The following FAM3A variants were observed in gnomAD, a reference collection of about 807,000 sequenced individuals.
The protein encoded by FAM3A is FAM3 metabolism regulating signaling molecule A, also known as protein FAM3A.
Under a neutral mutation model 18.1 loss-of-function variants are expected in FAM3A, and 5 were observed. The ratio of observed to expected loss-of-function variants is 0.28; its 90% CI spans 0.14 to 0.58. The LOEUF (loss-of-function observed/expected upper bound fraction) is 0.58. Among genes scored for constraint, FAM3A ranks in the 20% least tolerant of loss-of-function variants. The probability of loss-of-function intolerance (pLI) is 0.91; values close to 1 mark genes in which losing one functional copy is unlikely to be tolerated. For missense variants in FAM3A, 154 were observed against 216.6 expected (o/e 0.71, Z 1.81); for synonymous variants, 108 against 90.2 (o/e 1.20, Z -1.12).
At chrX:154,506,956 G>T (rs969019603) in intron 8 of FAM3A, 50 bp from the exon 9 acceptor site, 3 of 1,050,299 alleles carry the variant, frequency 2.9e-6, no homozygotes, top group Non-Finnish European at 4.0e-6. Flanking sequence ...AGGGACAGGG[G>T]ACAGGAGTGG....
chrX:154,507,416 G>C lies in FAM3A; in HGVS notation c.460C>G (p.Pro154Ala), dbSNP rs1271255512. 10 of 1,211,472 alleles carry C rather than the reference G, an allele frequency of 8.3e-6. No homozygotes were observed. Among genetic ancestry groups the C allele is most frequent in the Non-Finnish European group, 1.0e-5 (9 of 895,390 alleles). The change falls in exon 7 of 9, where the codon CCA becomes GCA. Residue 154 changes from proline (P) to alanine (A), a missense_variant. By Grantham distance (27) the Pro-to-Ala change is conservative. Transcript: ENST00000447601. The stretch of plus-strand genomic sequence containing the variant: ...TCCCCAAGCACCTACTTGGTGGCTG[G>C]GTCGTCGTAGGATGCCACGAACACC... ...TLVFVASYDD[P>A]ATKMNEETRK... is the part of the protein sequence containing the mutation.
intron 3 of FAM3A, 25 bp from the exon 4 acceptor site, chrX:154,508,622 C>T (rs1557220864): frequency 1.7e-6 from 2 of 1,176,351 alleles, no homozygotes; most frequent in Admixed American, 5.0e-5. Context: ...CAGGTGTTAT[C>T]CATGGGCCTG....
intron 2 of FAM3A, chrX:154,512,378 G>A: frequency 8.0e-6 from 2 of 249,744 alleles, no homozygotes; most frequent in Non-Finnish European, 7.3e-6. Context: ...GGTAGAGGTT[G>A]CAGTGAACCG....
intron 1 of FAM3A, among the ~76,000 whole-genome samples, chrX:154,513,752 G>C (rs2070024951): frequency 9.0e-6 from 1 of 110,959 alleles, no homozygotes. Flanking sequence ...ACTCTCTCTA[G>C]TTCGCTCTTT....
At chrX:154,513,428 G>A (rs781939391) in intron 1 of FAM3A, among the ~76,000 whole-genome samples, 1 of 110,965 alleles carries the variant, frequency 9.0e-6, no homozygotes, top group East Asian at 2.8e-4. Flanking sequence ...TCAGGTGTTC[G>A]AGACCAGCCT....
intron 7 of FAM3A, 36 bp from the exon 8 acceptor site, chrX:154,507,365 G>A (rs782607214): frequency 8.3e-7 from 1 of 1,211,860 alleles, no homozygotes; most frequent in Admixed American, 2.2e-5. Flanking sequence ...AGCTGTTGCT[G>A]CAGAAGGGCA....
rs1357927645 is a variant in FAM3A at position 154,512,911 on chromosome X, G to A, written c.39C>T (p.Val13=). 1.7e-6 allele frequency: 2 copies of A among 1,208,320 alleles called. No individual in the cohort carries two copies. Among genetic ancestry groups the A allele is most frequent in the African/African-American group, 1.7e-5 (1 of 57,225 alleles). The part of the protein sequence containing the change: ...LAGPLRIVVL[V]VSVGVTWIVV... ...CGATCCATGTGACACCCACACTGACGACTAGGACCACAATGCGGAGAGGGC... is the reference window on the plus strand; with the variant it reads ...CGATCCATGTGACACCCACACTGACAACTAGGACCACAATGCGGAGAGGGC... Residue 13 remains valine (V), a synonymous_variant, in exon 2 of 9, where the codon GTC becomes GTT. Coordinates refer to ENST00000447601, the MANE Select transcript of FAM3A (RefSeq NM_021806.4).
rs781969873 is a variant in FAM3A at position 154,511,884 on chromosome X, A to G, written c.128-13T>C. 2.5e-6 allele frequency: 3 copies of G among 1,208,571 alleles called. No individual in the cohort carries two copies. Among genetic ancestry groups the G allele is most frequent in the Non-Finnish European group, 3.4e-6 (3 of 893,495 alleles). On this transcript the variant is annotated splice_polypyrimidine_tract_variant and intron_variant, in intron 2 of 8. Transcript: ENST00000447601. ...GAGCTCTCTGGACCTGTGGATACAGAGTGGTTTCTGTTAGTGTGGAGCCTC... is the reference window on the plus strand; with the variant it reads ...GAGCTCTCTGGACCTGTGGATACAGGGTGGTTTCTGTTAGTGTGGAGCCTC...
intron 3 of FAM3A, 35 bp from the exon 4 acceptor site, chrX:154,508,632 G>T: frequency 8.5e-7 from 1 of 1,171,770 alleles, no homozygotes; most frequent in Admixed American, 2.5e-5. Flanking sequence ...CCATGGGCCT[G>T]GCCCTGAGGT....
At position 154,506,806 on chromosome X, in the gene FAM3A, C is replaced by T. The variant is rs1557218566; in HGVS notation, c.*5G>A. The T allele has an allele frequency of 8.3e-7, 1 of 1,207,510 alleles. No individual in the cohort carries two copies. The highest frequency in any genetic ancestry group is 1.1e-6 in the Non-Finnish European group (1 of 891,772). On this transcript the variant is annotated 3_prime_UTR_variant, in exon 9 of 9. Coordinates refer to ENST00000447601, the MANE Select transcript of FAM3A (RefSeq NM_021806.4). ...TCCCTCGGCCCGGTCCTGGCACTGG[C>T]CGTGCTAGCTGGCCGTGCTTCTCCG...
intron 3 of FAM3A, chrX:154,508,971 G>A (rs1351476921): frequency 2.2e-5 from 6 of 272,375 alleles, no homozygotes; most frequent in Non-Finnish European, 3.5e-5. Flanking sequence ...AGGGGGTGCA[G>A]CCTGTCTCCC....
At chrX:154,507,693 T>C in intron 6 of FAM3A, 118 bp downstream of exon 6, 1 of 900,437 alleles carries the variant, frequency 1.1e-6, no homozygotes, top group Non-Finnish European at 1.6e-6. Context: ...CTGTCCTTTC[T>C]GAACCCACGG....
intron 6 of FAM3A, 117 bp from the exon 7 acceptor site, chrX:154,507,607 C>A: frequency 1.1e-6 from 1 of 882,641 alleles, no homozygotes; most frequent in South Asian, 2.2e-5. Context: ...CATGCCCCGC[C>A]AAGGGACAGG....
At position 154,506,874 on chromosome X, in the gene FAM3A, G is replaced by A. The variant is rs147167340; in HGVS notation, c.630C>T (p.Tyr210=). The A allele has an allele frequency of 2.1e-4, 260 of 1,210,513 alleles. No homozygotes were observed. The highest frequency in any genetic ancestry group is 3.8e-4 in the African/African-American group (22 of 57,659). The change falls in exon 9 of 9, where the codon TAC becomes TAT. Residue 210 remains tyrosine, a synonymous_variant. Coordinates refer to ENST00000447601, the MANE Select transcript of FAM3A (RefSeq NM_021806.4). ...TCTCCAGCGCCTCGGGCCAGCCTTC[G>A]TACTTGTTGCTGTGCTTACTGTTCT... ...HVKNSKHSNK[Y]EGWPEALEME...
Position 154,506,704 on chromosome X carries a change from G to A in FAM3A, c.*107C>T, listed in dbSNP as rs376537810. 9.5e-5 allele frequency: 57 copies of A among 599,556 alleles called. 1 individual carries two copies. The highest frequency in any genetic ancestry group is 9.2e-4 in the East Asian group (26 of 28,228). 49.4% of individuals were successfully genotyped at this position (599,556 alleles called of 1,213,427 possible). A position where few individuals can be genotyped will look rare whatever the true frequency, so the allele number is the denominator to read the frequency against. On this transcript the variant is annotated 3_prime_UTR_variant, in exon 9 of 9. Transcript: ENST00000447601. The stretch of plus-strand genomic sequence containing the variant: ...AGCCCCGATGTGTTGGGGCCAGGGA[G>A]CGCTCCTGCCCGGGTGTGGGGTGTG...
chrX:154,509,198 GAC>G (rs782539693), intron 3 of FAM3A: 3 of 163,333 alleles, frequency 1.8e-5, no homozygotes, highest in African/African-American at 9.0e-5. Context: ...AAGTGACAAA[GAC>G]ACACAGAGGG....
In FAM3A at chrX:154,512,905, A is replaced by G. The variant is rs782332239; in HGVS notation, c.45T>C (p.Ser15=). The part of the protein sequence containing the change: ...GPLRIVVLVV[S]VGVTWIVVSI... The stretch of plus-strand genomic sequence containing the variant: ...TGACCACGATCCATGTGACACCCAC[A>G]CTGACGACTAGGACCACAATGCGGA... The change falls in exon 2 of 9, where the codon AGT becomes AGC. Residue 15 remains serine, a synonymous_variant. Transcript: ENST00000447601. 6 of 1,210,899 alleles carry G rather than the reference A, an allele frequency of 5.0e-6. No individual in the cohort carries two copies. In the East Asian group the frequency reaches 1.8e-4, roughly 36 times the overall value.
chrX:154,515,632 G>C, intron 1 of FAM3A, 128 bp downstream of exon 1: 1 of 707,416 alleles, frequency 1.4e-6, no homozygotes, highest in East Asian at 3.2e-5. Context: ...TGTTTGTGCA[G>C]AGTCCTCCAT....
chrX:154,514,442 T>C (rs1228142577), intron 1 of FAM3A, among the ~76,000 whole-genome samples: 1 of 106,610 alleles, frequency 9.4e-6, no homozygotes, highest in Admixed American at 1.0e-4. Context: ...CTTGCTCTGT[T>C]GCCCAGACTG....
Sources: allele counts gnomAD v4.1 joint callset (sites outside exome capture counted in the v4.1 genomes callset), GRCh38; gene constraint gnomAD v4.1.1; transcripts MANE v1.5; gene names NCBI Gene and HGNC (gene_info 2026-07-23, HGNC 2026-07-21).